TRPS1: variants seen among roughly 807,000 people sequenced by gnomAD.
The protein encoded by TRPS1 is transcriptional repressor GATA binding 1.
A neutral mutation model predicts 101.2 loss-of-function variants in TRPS1; 6 were observed. The observed-to-expected ratio is 0.06, with a 90% CI of 0.03 to 0.12. TRPS1 has a LOEUF of 0.12. TRPS1 is among the 10% of genes least tolerant of loss of function. The pLI, the probability that TRPS1 is intolerant of heterozygous loss-of-function variation, is 1.00. For synonymous variants in TRPS1, 578 were observed against 589.8 expected, an observed-to-expected ratio of 0.98 and a Z score of 0.29; for missense variants, 1,363 against 1,567.0, an observed-to-expected ratio of 0.87 and a Z score of 2.20.
At chr8:115,517,339 A>G (rs1815740027) in intron 5 of TRPS1, among the ~76,000 whole-genome samples, 2 of 151,630 alleles carry the variant, frequency 1.3e-5, no homozygotes, top group Admixed American at 1.3e-4. Context: ...TACTTAAACT[A>G]GACATGCCTC....
At chr8:115,600,934 T>G (rs1817893738) in intron 4 of TRPS1, among the ~76,000 whole-genome samples, 1 of 152,124 alleles carries the variant, frequency 6.6e-6, no homozygotes, top group Non-Finnish European at 1.5e-5. Context: ...AGGGGTATTA[T>G]AGGTAAATAC....
chr8:115,554,908 G>A (rs1321739574), intron 5 of TRPS1, among the ~76,000 whole-genome samples: 1 of 152,020 alleles, frequency 6.6e-6, no homozygotes, highest in Non-Finnish European at 1.5e-5. Context: ...AAGGACAAAG[G>A]GAAGAACAGG....
intron 3 of TRPS1, among the ~76,000 whole-genome samples, chr8:115,612,128 AAAG>A (rs1818182826): frequency 2.2e-5 from 3 of 137,786 alleles, no homozygotes; most frequent in Admixed American, 7.8e-5. Context: ...AAGGAAGATA[AAAG>A]AAGGAGGACA....
chr8:115,650,054 G>A (rs1413697575), intron 1 of TRPS1, among the ~76,000 whole-genome samples: 6 of 152,166 alleles, frequency 3.9e-5, no homozygotes, highest in Non-Finnish European at 8.8e-5. Context: ...AGGGCTACCA[G>A]AACAGCAGGT....
At chr8:115,588,557 G>A (rs190114435) in intron 4 of TRPS1, among the ~76,000 whole-genome samples, 14 of 152,194 alleles carry the variant, frequency 9.2e-5, no homozygotes, top group African/African-American at 3.4e-4. Flanking sequence ...GCTACATTAG[G>A]GCAAATATTT....
chr8:115,419,832 G>A (rs1029639583), intron 5 of TRPS1, among the ~76,000 whole-genome samples: 7 of 152,242 alleles, frequency 4.6e-5, no homozygotes, highest in Admixed American at 3.3e-4. Context: ...AGAGGCTCTC[G>A]TCAGCTAAAC....
At chr8:115,466,660 G>C (rs564859417) in intron 5 of TRPS1, among the ~76,000 whole-genome samples, 35 of 152,058 alleles carry the variant, frequency 2.3e-4, no homozygotes, top group Non-Finnish European at 3.8e-4. Context: ...AAAAGAGAAG[G>C]GGGGCGGGGC....
intron 5 of TRPS1, among the ~76,000 whole-genome samples, chr8:115,427,681 C>T (rs1329070453): frequency 6.6e-6 from 1 of 152,074 alleles, no homozygotes; most frequent in Non-Finnish European, 1.5e-5. Context: ...TTAAAGAACG[C>T]TTATCTCTTC....
At chr8:115,661,511 CATATT>C (rs1279668459) in intron 1 of TRPS1, 4 of 151,998 alleles carry the variant, frequency 2.6e-5, no homozygotes, top group South Asian at 2.1e-4. Flanking sequence ...GAACTCCTCT[CATATT>C]ATAGGTATCC....
At chr8:115,667,758 T>G in intron 1 of TRPS1, 1 of 1,375,638 alleles carries the variant, frequency 7.3e-7, no homozygotes, top group Non-Finnish European at 9.8e-7. Flanking sequence ...GTTTGAAGCC[T>G]GCATTTGCAA....
Position 115,619,383 on chromosome 8 carries a change from T to A in TRPS1, c.715A>T (p.Ile239Phe). The A allele has an allele frequency of 1.2e-5, 19 of 1,614,208 alleles. No homozygotes were observed. The highest frequency in any genetic ancestry group is 1.6e-5 in the Non-Finnish European group (19 of 1,180,040). The change falls in exon 3 of 7, where the codon ATC becomes TTC. Residue 239 changes from isoleucine to phenylalanine, a missense_variant. Physicochemically the swap from Ile to Phe is conservative, Grantham distance 21. Transcript: ENST00000395715. ...TTGCCGTAGTAACCATATCCACAGA[T>A]ATTGCATTTAAAGTCCTGAAGCTCT... ...SPELQDFKCN[I>F]CGYGYYGNDP...
chr8:115,616,092 G>GT (rs1818271567), intron 3 of TRPS1, among the ~76,000 whole-genome samples: 2 of 152,202 alleles, frequency 1.3e-5, no homozygotes, highest in Non-Finnish European at 2.9e-5. Flanking sequence ...ACCTCAAGGT[G>GT]TTGGGGGGAG....
At chr8:115,419,930 C>T (rs777103580) in intron 5 of TRPS1, among the ~76,000 whole-genome samples, 16 of 152,000 alleles carry the variant, frequency 1.1e-4, no homozygotes, top group Non-Finnish European at 2.1e-4. Context: ...ATGAATGAAA[C>T]GTAAAGAAAT....
chr8:115,582,765 T>C (rs562321998), intron 5 of TRPS1, among the ~76,000 whole-genome samples: 2 of 152,276 alleles, frequency 1.3e-5, no homozygotes, highest in South Asian at 4.1e-4. Context: ...AAAATGTAGA[T>C]GTTACAACTG....
intron 1 of TRPS1, among the ~76,000 whole-genome samples, chr8:115,638,064 A>G (rs748172384): frequency 3.9e-5 from 6 of 152,182 alleles, no homozygotes; most frequent in South Asian, 2.1e-4. Flanking sequence ...AAACTCAGTG[A>G]TGATCCCCAC....
intron 5 of TRPS1, among the ~76,000 whole-genome samples, chr8:115,541,522 T>G (rs1245543730): frequency 6.6e-6 from 1 of 152,220 alleles, no homozygotes; most frequent in East Asian, 1.9e-4. Context: ...CATAATTTAC[T>G]TGTGTTTTAA....
At chr8:115,580,245 A>AAATATAT (rs1554591592) in intron 5 of TRPS1, among the ~76,000 whole-genome samples, 10 of 139,866 alleles carry the variant, frequency 7.1e-5, no homozygotes, top group African/African-American at 1.6e-4. Context: ...AAAAAAAAAA[A>AAATATAT]ATATATATAT....
intron 4 of TRPS1, among the ~76,000 whole-genome samples, chr8:115,592,072 G>A (rs1817690578): frequency 1.3e-5 from 2 of 152,154 alleles, no homozygotes. Flanking sequence ...AAACACAGGG[G>A]ATGGAAAAGG....
intron 5 of TRPS1, among the ~76,000 whole-genome samples, chr8:115,536,328 G>A (rs975665344): frequency 6.6e-6 from 1 of 151,864 alleles, no homozygotes; most frequent in Non-Finnish European, 1.5e-5. Context: ...AGATCATCCT[G>A]GCTAACATGG....
Sources: gnomAD v4.1 joint callset for allele counts (sites outside exome capture counted in the v4.1 genomes callset) on GRCh38, gnomAD v4.1.1 for gene constraint, MANE v1.5 for transcripts, NCBI Gene and HGNC (gene_info 2026-07-23, HGNC 2026-07-21) for gene names.